Variants in ASIC2 observed in about 807,000 individuals in gnomAD.
The protein encoded by ASIC2 is acid-sensing ion channel 2.
Under a neutral mutation model 57.3 loss-of-function variants are expected in ASIC2, and 25 were observed. The ratio of observed to expected loss-of-function variants is 0.44; its 90% confidence interval spans 0.32 to 0.61. The LOEUF is 0.61. ASIC2 is among the 20% of genes least tolerant of loss of function. The pLI, the probability that ASIC2 is intolerant of heterozygous loss-of-function variation, is 0.06. For synonymous variants in ASIC2, 319 were observed against 307.5 expected, an observed-to-expected ratio of 1.04 and a Z score of -0.39; for missense variants, 641 against 738.1, an observed-to-expected ratio of 0.87 and a Z score of 1.52.
chr17:33,622,365 A>T (rs182195984), intron 1 of ASIC2, among the ~76,000 whole-genome samples: 5 of 152,304 alleles, frequency 3.3e-5, no homozygotes, highest in African/African-American at 9.6e-5. Flanking sequence ...TTTCCATGGG[A>T]AAAACAAACT....
chr17:34,152,805 A>T (rs2142145418), intron 1 of ASIC2, among the ~76,000 whole-genome samples: 1 of 152,310 alleles, frequency 6.6e-6, no homozygotes, highest in East Asian at 1.9e-4. Flanking sequence ...TCTTGCACTC[A>T]CATTATCCAA....
At chr17:33,842,645 G>T (rs530344552) in intron 1 of ASIC2, among the ~76,000 whole-genome samples, 1 of 152,258 alleles carries the variant, frequency 6.6e-6, no homozygotes, top group African/African-American at 2.4e-5. Context: ...GGAAGGAGGA[G>T]GTGATTGTCT....
chr17:33,462,379 A>G (rs552797925), intron 1 of ASIC2, among the ~76,000 whole-genome samples: 1 of 152,302 alleles, frequency 6.6e-6, no homozygotes, highest in African/African-American at 2.4e-5. Flanking sequence ...TATATTTTTC[A>G]CAAAGGTATT....
At chr17:33,017,575 C>A (rs1488095482) in intron 8 of ASIC2, 30 bp downstream of exon 8, 7 of 1,590,068 alleles carry the variant, frequency 4.4e-6, no homozygotes, top group South Asian at 1.1e-5. Context: ...AGCATGCGGT[C>A]ATTTCCCTGT....
intron 1 of ASIC2, among the ~76,000 whole-genome samples, chr17:33,362,555 T>G (rs146942978): frequency 6.6e-6 from 1 of 152,338 alleles, no homozygotes; most frequent in Non-Finnish European, 1.5e-5. Context: ...ATCTTGCAGG[T>G]AAGAGGGCAT....
chr17:34,068,377 G>C (rs1909252435), intron 1 of ASIC2, among the ~76,000 whole-genome samples: 1 of 152,190 alleles, frequency 6.6e-6, no homozygotes, highest in African/African-American at 2.4e-5. Context: ...ATGGGGATGA[G>C]TTGATCACCT....
At chr17:33,654,579 A>G (rs970071933) in intron 1 of ASIC2, among the ~76,000 whole-genome samples, 2 of 152,278 alleles carry the variant, frequency 1.3e-5, no homozygotes, top group African/African-American at 4.8e-5. Flanking sequence ...AGGCAAAGGC[A>G]ACATTATTTA....
intron 3 of ASIC2, among the ~76,000 whole-genome samples, chr17:33,047,133 G>T (rs959056137): frequency 1.9e-4 from 29 of 152,242 alleles, no homozygotes; most frequent in African/African-American, 7.0e-4. Flanking sequence ...TGGGGGAATA[G>T]TGGATGCTTA....
chr17:33,334,183 A>C (rs907729300), intron 1 of ASIC2, among the ~76,000 whole-genome samples: 2 of 152,224 alleles, frequency 1.3e-5, no homozygotes, highest in Non-Finnish European at 1.5e-5. Context: ...ATGTTCCAAA[A>C]GGGGGCCTCC....
At chr17:33,591,545 A>C (rs752818886) in intron 1 of ASIC2, among the ~76,000 whole-genome samples, 2 of 152,136 alleles carry the variant, frequency 1.3e-5, no homozygotes, top group African/African-American at 4.8e-5. Flanking sequence ...GTCTCACTCC[A>C]ATATCCTTTC....
chr17:33,402,859 C>G (rs770632432), intron 1 of ASIC2, among the ~76,000 whole-genome samples: 2 of 152,158 alleles, frequency 1.3e-5, no homozygotes, highest in Non-Finnish European at 2.9e-5. Context: ...TGAGGAATCA[C>G]CACAGTGTCT....
intron 1 of ASIC2, among the ~76,000 whole-genome samples, chr17:33,628,376 C>T (rs569319707): frequency 2.0e-5 from 3 of 151,916 alleles, no homozygotes; most frequent in Admixed American, 6.6e-5. Context: ...ATTGCAACCT[C>T]GACCTCCTTG....
chr17:33,339,529 T>G (rs986433190), intron 1 of ASIC2, among the ~76,000 whole-genome samples: 1 of 152,290 alleles, frequency 6.6e-6, no homozygotes, highest in East Asian at 1.9e-4. Context: ...GGGAATTTTG[T>G]TTATATTTTA....
intron 1 of ASIC2, among the ~76,000 whole-genome samples, chr17:33,723,797 T>C (rs1009475764): frequency 6.6e-6 from 1 of 152,228 alleles, no homozygotes; most frequent in African/African-American, 2.4e-5. Flanking sequence ...GGTGGTTCTC[T>C]GAATGCTTAC....
chr17:33,300,703 A>C (rs1025500009), intron 1 of ASIC2, among the ~76,000 whole-genome samples: 5 of 152,254 alleles, frequency 3.3e-5, no homozygotes, highest in Non-Finnish European at 7.3e-5. Context: ...AAGATGGTCC[A>C]AACATGCCTT....
intron 1 of ASIC2, among the ~76,000 whole-genome samples, chr17:33,299,784 T>C (rs1374680292): frequency 2.0e-5 from 3 of 152,318 alleles, no homozygotes; most frequent in Middle Eastern, 6.8e-3. Context: ...AGGAAGCTCA[T>C]GCTCCACAGG....
chr17:33,440,029 A>G (rs1911769738), intron 1 of ASIC2, among the ~76,000 whole-genome samples: 1 of 152,234 alleles, frequency 6.6e-6, no homozygotes, highest in South Asian at 2.1e-4. Context: ...TTTACATGCC[A>G]TAAACTTCAC....
chr17:33,595,680 C>G (rs992101000), intron 1 of ASIC2, among the ~76,000 whole-genome samples: 1 of 152,248 alleles, frequency 6.6e-6, no homozygotes, highest in South Asian at 2.1e-4. Context: ...TACTCAGCAT[C>G]CCTGAGCTTC....
chr17:33,350,215 T>C (rs1908105831), intron 1 of ASIC2, among the ~76,000 whole-genome samples: 1 of 152,202 alleles, frequency 6.6e-6, no homozygotes, highest in African/African-American at 2.4e-5. Flanking sequence ...CATGTCATCT[T>C]AGGTCGGTGT....
Sources: allele counts gnomAD v4.1 joint callset (sites outside exome capture counted in the v4.1 genomes callset), GRCh38; gene constraint gnomAD v4.1.1; transcripts MANE v1.5; gene names NCBI Gene and HGNC (gene_info 2026-07-23, HGNC 2026-07-21).